The following COL5A1 variants were observed in gnomAD, a reference collection of about 807,000 sequenced individuals.
COL5A1 encodes collagen type V alpha 1 chain, also known as collagen alpha-1(V) chain.
A neutral mutation model predicts 263.7 loss-of-function variants in COL5A1; 16 were observed. That is an observed-to-expected ratio of 0.06 (90% CI 0.04 to 0.09). COL5A1 has a LOEUF of 0.09. Ranked by LOEUF, COL5A1 falls within the 10% of genes least tolerant of loss-of-function variation. The probability of loss-of-function intolerance (pLI) is 1.00; values close to 1 mark genes in which losing one functional copy is unlikely to be tolerated. For missense variants in COL5A1, 2,036 were observed against 2,540.5 expected, an observed-to-expected ratio of 0.80 and a Z score of 4.27; for synonymous variants, 1,012 against 1,004.5, an observed-to-expected ratio of 1.01 and a Z score of -0.14.
At chr9:134,703,197 C>A (rs776054224) in intron 4 of COL5A1, among the ~76,000 whole-genome samples, 1 of 152,260 alleles carries the variant, frequency 6.6e-6, no homozygotes, top group Middle Eastern at 3.4e-3. Flanking sequence ...TAGAGCAGGG[C>A]GGGTGCTTGG....
intron 29 of COL5A1, among the ~76,000 whole-genome samples, chr9:134,782,934 G>C (rs1397910643): frequency 6.6e-6 from 1 of 152,210 alleles, no homozygotes; most frequent in Non-Finnish European, 1.5e-5. Flanking sequence ...TTTGCCCCTT[G>C]GGGACTGGGA....
rs1564376348 is a variant in COL5A1, at chr9:134,669,249, T to TCCCTTCCCTA, written c.110-21654_110-21653insACCCTTCCCT. On this transcript the variant is annotated intron_variant, in intron 1 of 65. Transcript: ENST00000371817. Reference sequence around the variant, plus strand: ...TCCCTTCCCTTTCCTTCCCTTCCCTTCCCTTCCCTTCCCTTCCCTTCCCTT... The same window carrying TCCCTTCCCTA: ...TCCCTTCCCTTTCCTTCCCTTCCCTTCCCTTCCCTACCCTTCCCTTCCCTTCCCTTCCCTT... 3.3e-5 allele frequency among the ~76,000 whole-genome samples: 2 copies of TCCCTTCCCTA among 61,386 alleles called. 1 individual carries two copies. Among genetic ancestry groups the TCCCTTCCCTA allele is most frequent in the Non-Finnish European group, 6.1e-5 (2 of 32,852 alleles). The allele number at this position is 61,386 out of a possible 152,430, so 40.3% of individuals were successfully genotyped here.
intron 1 of COL5A1, among the ~76,000 whole-genome samples, chr9:134,684,884 A>C (rs1168991213): frequency 5.3e-5 from 8 of 152,108 alleles, no homozygotes; most frequent in African/African-American, 1.9e-4. Flanking sequence ...CCATCCACTC[A>C]TCCATCCATC....
intron 57 of COL5A1, among the ~76,000 whole-genome samples, chr9:134,819,544 G>A (rs1355193770): frequency 1.3e-5 from 2 of 152,220 alleles, no homozygotes; most frequent in African/African-American, 4.8e-5. Context: ...GGCAGTGAGG[G>A]CCCTCTCATT....
At chr9:134,650,244 A>T (rs796203128) in intron 1 of COL5A1, among the ~76,000 whole-genome samples, 15 of 152,234 alleles carry the variant, frequency 9.9e-5, no homozygotes, top group African/African-American at 3.6e-4. Context: ...AAAAACTCTG[A>T]CCCTTGCATT....
intron 46 of COL5A1, among the ~76,000 whole-genome samples, chr9:134,811,802 G>A (rs1838535451): frequency 6.6e-6 from 1 of 152,184 alleles, no homozygotes; most frequent in African/African-American, 2.4e-5. Flanking sequence ...CTTCAGCAGT[G>A]GCATTTATTT....
rs1419606357 is a variant in COL5A1 at position 134,765,033 on chromosome 9, A to G, written c.2035-648A>G. On this transcript the variant is annotated intron_variant, in intron 20 of 65. Transcript: ENST00000371817. This position sits in a 1 kb window ranked among gnomAD's most constrained non-coding sequence, Gnocchi z 5.1. ...GGGGTGTGAGTGCCCTGTGGCAGGCAGTTCTCCCGGAATCTCACTCCACCT... is the reference window on the plus strand; with the variant it reads ...GGGGTGTGAGTGCCCTGTGGCAGGCGGTTCTCCCGGAATCTCACTCCACCT... Among the ~76,000 whole-genome samples the G allele has an allele frequency of 1.3e-5, 2 of 151,830 alleles. No individual in the cohort carries two copies. Among genetic ancestry groups the G allele is most frequent in the East Asian group, 3.9e-4 (2 of 5,104 alleles).
At chr9:134,806,395 T>C (rs904862139) in intron 42 of COL5A1, 99 bp downstream of exon 42, 17 of 846,810 alleles carry the variant, frequency 2.0e-5, no homozygotes, top group African/African-American at 5.1e-5. Context: ...CCCAGGGGTA[T>C]TTCCTTGGGA....
rs899595577 is a variant in COL5A1, at chr9:134,682,426, A to G, written c.110-8486A>G. ...GGCAGAGAGATCGGGCTGGGCCAGCACACTTCCCCAGAGACCCTGACCCCA... is the reference window on the plus strand; with the variant it reads ...GGCAGAGAGATCGGGCTGGGCCAGCGCACTTCCCCAGAGACCCTGACCCCA... On this transcript the variant is annotated intron_variant, in intron 1 of 65. Transcript: ENST00000371817. The surrounding 1 kb of genome is among the most constrained non-coding windows in gnomAD (Gnocchi z 5.1). Among the ~76,000 whole-genome samples the G allele has an allele frequency of 1.3e-5, 2 of 152,132 alleles. No individual in the cohort carries two copies. Among genetic ancestry groups the G allele is most frequent in the Non-Finnish European group, 2.9e-5 (2 of 68,012 alleles).
intron 2 of COL5A1, among the ~76,000 whole-genome samples, chr9:134,695,266 C>T (rs943460889): frequency 6.6e-6 from 1 of 152,204 alleles, no homozygotes; most frequent in Admixed American, 6.5e-5. Context: ...TGCCCCTTGG[C>T]CAACACCCTG....
chr9:134,655,258 G>T (rs575800399), intron 1 of COL5A1, among the ~76,000 whole-genome samples: 2 of 151,998 alleles, frequency 1.3e-5, no homozygotes, highest in Non-Finnish European at 2.9e-5. Context: ...TTGGGCTTTA[G>T]GGCCTGCACT....
Position 134,765,614 on chromosome 9 carries a change from A to C in COL5A1, c.2035-67A>C. Reference sequence around the variant, plus strand: ...GGTGGAGTCAGGGCCAAGTGGGCATAGGGGACAGAGAGGAGGGCTGGGATT... The same window carrying C: ...GGTGGAGTCAGGGCCAAGTGGGCATCGGGGACAGAGAGGAGGGCTGGGATT... On this transcript the variant is annotated intron_variant, in intron 20 of 65. Coordinates refer to ENST00000371817, the MANE Select transcript of COL5A1 (RefSeq NM_000093.5). The surrounding 1 kb of genome is among the most constrained non-coding windows in gnomAD (Gnocchi z 5.1). 6.9e-7 allele frequency: 1 copy of C among 1,439,486 alleles called. No homozygotes were observed. Among genetic ancestry groups the C allele is most frequent in the Non-Finnish European group, 9.8e-7 (1 of 1,022,156 alleles). The allele number at this position is 1,439,486 out of a possible 1,614,324, so 89.2% of individuals were successfully genotyped here. A position where few individuals can be genotyped will look rare whatever the true frequency, so the allele number is the denominator to read the frequency against.
At position 134,727,377 on chromosome 9, in the gene COL5A1, G is replaced by T; in HGVS notation, c.766G>T (p.Asp256Tyr). ...AGTACCTGACACCCCACAGTCGCAG[G>T]ACCCCAATCCAGATGAATATGTGAG... ...TAVPDTPQSQ[D>Y]PNPDEYYTEG... is the part of the protein sequence containing the mutation. The change falls in exon 5 of 66, where the codon GAC becomes TAC. Residue 256 changes from aspartate to tyrosine, a missense_variant. By Grantham distance (160) the Asp-to-Tyr change is radical. Coordinates refer to ENST00000371817, the MANE Select transcript of COL5A1 (RefSeq NM_000093.5). 6.2e-7 allele frequency: 1 copy of T among 1,614,102 alleles called. No individual in the cohort carries two copies. Among genetic ancestry groups the T allele is most frequent in the Non-Finnish European group, 8.5e-7 (1 of 1,180,006 alleles).
Position 134,823,466 on chromosome 9 carries a change from C to T in COL5A1, c.4695C>T (p.Pro1565=), listed in dbSNP as rs752029679. Residue 1565 remains proline, a synonymous_variant, in exon 61 of 66, where the codon CCC becomes CCT. Coordinates refer to ENST00000371817, the MANE Select transcript of COL5A1 (RefSeq NM_000093.5). ...CAGGCCACCCAGGACCCCCAGGCCCCCCGGTAAGTAGCCCTTGAAGCCCAG... is the reference window on the plus strand; with the variant it reads ...CAGGCCACCCAGGACCCCCAGGCCCTCCGGTAAGTAGCCCTTGAAGCCCAG... ...GEAGHPGPPG[P]PGPPGEVIQP... The T allele has an allele frequency of 5.6e-6, 9 of 1,614,190 alleles. No individual in the cohort carries two copies. Among genetic ancestry groups the T allele is most frequent in the Admixed American group, 1.7e-5 (1 of 60,026 alleles).
rs115240404 is a variant in COL5A1 at position 134,841,091 on chromosome 9, C to A, written c.5371-1066C>A. Among the ~76,000 whole-genome samples the A allele has an allele frequency of 5.0e-3, 767 of 152,280 alleles. 14 individuals carry two copies. Among genetic ancestry groups the A allele is most frequent in the African/African-American group, 0.018 (732 of 41,564 alleles). ...TCACTGCCTCCCATCCGGGAGGGAACCCTGGCTGGCCCCTACTTGTTTATC... is the reference window on the plus strand; with the variant it reads ...TCACTGCCTCCCATCCGGGAGGGAAACCTGGCTGGCCCCTACTTGTTTATC... On this transcript the variant is annotated intron_variant, in intron 65 of 65. Coordinates refer to ENST00000371817, the MANE Select transcript of COL5A1 (RefSeq NM_000093.5). The surrounding 1 kb of genome is among the most constrained non-coding windows in gnomAD (Gnocchi z 4.8).
chr9:134,737,639 T>C (rs1358495000), intron 9 of COL5A1, among the ~76,000 whole-genome samples: 1 of 151,996 alleles, frequency 6.6e-6, no homozygotes, highest in East Asian at 1.9e-4. Context: ...AGGTCAGAAG[T>C]GGAGAGAGGA....
chr9:134,744,360 T>C (rs1835397982), intron 11 of COL5A1, among the ~76,000 whole-genome samples: 1 of 149,762 alleles, frequency 6.7e-6, no homozygotes, highest in Non-Finnish European at 1.5e-5. Flanking sequence ...CACGCACTCA[T>C]GCATACATGC....
intron 44 of COL5A1, chr9:134,810,533 C>A: frequency 3.6e-6 from 2 of 562,158 alleles, no homozygotes; most frequent in Non-Finnish European, 6.3e-6. Flanking sequence ...GAAGCATCCA[C>A]CGGTTTTGCG....
rs190057665 is a variant in COL5A1, at chr9:134,725,493, G to T, written c.655-1773G>T. On this transcript the variant is annotated intron_variant, in intron 4 of 65. Coordinates refer to ENST00000371817, the MANE Select transcript of COL5A1 (RefSeq NM_000093.5). Reference sequence around the variant, plus strand: ...GATCCTCTGCTTTGGAACACCCAGGGTGCTGCCAGGGTGACTCCTAGCGTG... The same window carrying T: ...GATCCTCTGCTTTGGAACACCCAGGTTGCTGCCAGGGTGACTCCTAGCGTG... 2.5e-3 allele frequency among the ~76,000 whole-genome samples: 373 copies of T among 152,228 alleles called. 2 individuals carry two copies. Among genetic ancestry groups the T allele is most frequent in the African/African-American group, 8.4e-3 (349 of 41,532 alleles).
Sources: gnomAD v4.1 joint callset for allele counts (sites outside exome capture counted in the v4.1 genomes callset) on GRCh38, gnomAD v4.1.1 for gene constraint, Gnocchi (gnomAD v3.1) non-coding constraint, MANE v1.5 for transcripts, NCBI Gene and HGNC (gene_info 2026-07-23, HGNC 2026-07-21) for gene names.